The following DNAH3 variants were observed in gnomAD, a reference collection of about 807,000 sequenced individuals.
The protein encoded by DNAH3 is axonemal beta dynein heavy chain 3.
DNAH3 carries 332 observed loss-of-function variants against 432.5 expected under a neutral mutation model. That is an observed-to-expected ratio of 0.77 (90% confidence interval 0.70 to 0.84). The LOEUF is 0.84. Ranked by LOEUF, DNAH3 falls within the 40% of genes least tolerant of loss-of-function variation. DNAH3 has a pLI of 0.00. For synonymous variants in DNAH3, 1,956 were observed against 1,900.2 expected (o/e 1.03, Z -0.76); for missense variants, 4,861 against 5,114.0 (o/e 0.95, Z 1.51).
At chr16:21,100,690 C>G (rs1044885467) in intron 16 of DNAH3, among the ~76,000 whole-genome samples, 3 of 152,182 alleles carry the variant, frequency 2.0e-5, no homozygotes, top group Non-Finnish European at 4.4e-5. Context: ...TATCACATAA[C>G]TTCCAGAACC....
At chr16:20,989,685 G>A (rs1037217109) in intron 44 of DNAH3, among the ~76,000 whole-genome samples, 7 of 152,260 alleles carry the variant, frequency 4.6e-5, no homozygotes, top group African/African-American at 1.7e-4. Context: ...GGGCGCCGTG[G>A]AGCAGGGGGT....
intron 5 of DNAH3, among the ~76,000 whole-genome samples, chr16:21,137,364 C>T (rs760030): frequency 0.24 from 36,763 of 150,840 alleles, 4,572 homozygotes; most frequent in East Asian, 0.31. Context: ...ACTTTGATCC[C>T]ATGGCTTCTA....
intron 31 of DNAH3, among the ~76,000 whole-genome samples, 183 bp from the exon 32 acceptor site, chr16:21,042,386 T>C (rs2089484562): frequency 6.6e-6 from 1 of 152,186 alleles, no homozygotes; most frequent in Non-Finnish European, 1.5e-5. Flanking sequence ...TTTGTGCATG[T>C]GTGCATGTGC....
At chr16:21,031,647 T>G (rs1165532736) in intron 36 of DNAH3, among the ~76,000 whole-genome samples, 1 of 151,868 alleles carries the variant, frequency 6.6e-6, no homozygotes, top group East Asian at 1.9e-4. Flanking sequence ...AGGCAATGCC[T>G]TACATTATTG....
At chr16:21,115,685 T>C (rs1246779470) in intron 12 of DNAH3, among the ~76,000 whole-genome samples, 25 of 150,002 alleles carry the variant, frequency 1.7e-4, no homozygotes, top group Admixed American at 6.7e-4. Flanking sequence ...CCAGCCTGGG[T>C]GACAGAGCGA....
At chr16:21,088,168 C>A (rs887589395) in intron 18 of DNAH3, among the ~76,000 whole-genome samples, 10 of 152,008 alleles carry the variant, frequency 6.6e-5, no homozygotes, top group Non-Finnish European at 1.0e-4. Flanking sequence ...GCTTCATCAA[C>A]CCAACATTTT....
At chr16:21,001,152 T>C (rs1020442738) in intron 42 of DNAH3, among the ~76,000 whole-genome samples, 6 of 152,172 alleles carry the variant, frequency 3.9e-5, no homozygotes, top group African/African-American at 1.2e-4. Flanking sequence ...CCTTTTCCAA[T>C]ATGGGGATTG....
intron 47 of DNAH3, 102 bp downstream of exon 47, chr16:20,987,203 A>G (rs2086238920): frequency 7.1e-7 from 1 of 1,400,424 alleles, no homozygotes; most frequent in African/African-American, 1.4e-5. Flanking sequence ...CAGAGTGCAG[A>G]GCTGGCAGTC....
chr16:21,061,985 C>T (rs2090376496), intron 25 of DNAH3, among the ~76,000 whole-genome samples: 1 of 152,166 alleles, frequency 6.6e-6, no homozygotes, highest in South Asian at 2.1e-4. Context: ...TGTCTATTTC[C>T]ACTTGAGGGT....
intron 18 of DNAH3, among the ~76,000 whole-genome samples, chr16:21,096,721 T>C (rs373919548): frequency 1.3e-5 from 2 of 152,176 alleles, no homozygotes; most frequent in East Asian, 3.9e-4. Context: ...GTGATGGTAA[T>C]ACCAACCAAA....
rs528482208 is a variant in DNAH3 at position 21,131,854 on chromosome 16, C to CAA, written c.1082+2403_1082+2404dup. 0.014 allele frequency among the ~76,000 whole-genome samples: 935 copies of CAA among 67,540 alleles called. 38 individuals carry two copies. In the East Asian group the frequency reaches 0.21, roughly 15 times the overall value. The allele number at this position is 67,540 out of a possible 152,430, so 44.3% of individuals were successfully genotyped here. On this transcript the variant is annotated intron_variant, in intron 7 of 61. Transcript: ENST00000261383. ...GGGCAACAAGAGTGAAACTCCATCT[C>CAA]AAAAAAAAAAAAAAAAAAAGGGGGA...
intron 20 of DNAH3, among the ~76,000 whole-genome samples, chr16:21,076,375 C>A (rs2090976066): frequency 6.6e-6 from 1 of 152,180 alleles, no homozygotes; most frequent in South Asian, 2.1e-4. Flanking sequence ...TGGCCTTGGA[C>A]TTTAAGCCTC....
rs533444803 is a variant in DNAH3 at position 21,118,791 on chromosome 16, C to T, written c.1700-1474G>A. 2.6e-5 allele frequency among the ~76,000 whole-genome samples: 4 copies of T among 152,258 alleles called. No homozygotes were observed. The South Asian group carries it at 8.3e-4, about 32-fold the overall frequency. On this transcript the variant is annotated intron_variant, in intron 11 of 61. Transcript: ENST00000261383. The stretch of plus-strand genomic sequence containing the variant: ...GCTTGAGTCTCCACGTCTAGTCACT[C>T]TAACTCCCTCATGGCACGTGTGTGT...
intron 41 of DNAH3, among the ~76,000 whole-genome samples, chr16:21,014,941 T>C (rs1439858964): frequency 1.3e-5 from 2 of 150,368 alleles, no homozygotes; most frequent in African/African-American, 4.9e-5. Flanking sequence ...TAAAAAACAG[T>C]CTAAATAAAT....
chr16:21,034,029 G>A lies in DNAH3; in HGVS notation c.5142C>T (p.Gly1714=), dbSNP rs143127393. 9.9e-6 allele frequency: 16 copies of A among 1,613,744 alleles called. No individual in the cohort carries two copies. In the East Asian group the frequency reaches 1.3e-4, roughly 13 times the overall value. The change falls in exon 36 of 62, where the codon GGC becomes GGT. Residue 1714 remains glycine (G), a synonymous_variant. Transcript: ENST00000261383. ...ACACTTTATAAGCAGAGGTCTTGCCGCCCATGGGGTCTCCTACAATCATAT... is the reference window on the plus strand; with the variant it reads ...ACACTTTATAAGCAGAGGTCTTGCCACCCATGGGGTCTCCTACAATCATAT...
chr16:20,969,949 G>C, exon 52 of DNAH3: 2 of 1,614,072 alleles, frequency 1.2e-6, no homozygotes, highest in Non-Finnish European at 1.7e-6. Context: ...GTGCAGCCTC[G>C]AGTGCAGGCA....
At chr16:20,988,023 A>C (rs749977912) in exon 45 of DNAH3, 1 of 1,614,172 alleles carries the variant, frequency 6.2e-7, no homozygotes, top group South Asian at 1.1e-5. Context: ...GTCATCCTCA[A>C]AGGCATTGAT....
chr16:20,974,170 C>T (rs2085471126), intron 51 of DNAH3, among the ~76,000 whole-genome samples: 1 of 152,004 alleles, frequency 6.6e-6, no homozygotes, highest in South Asian at 2.1e-4. Context: ...TAGGTGCATG[C>T]CACCACAGCT....
At chr16:21,069,329 C>T in intron 23 of DNAH3, 86 bp downstream of exon 23, 1 of 1,194,442 alleles carries the variant, frequency 8.4e-7, no homozygotes, top group South Asian at 1.3e-5. Flanking sequence ...AGTTCATTTA[C>T]AAGTTTCAAG....
Sources: allele counts gnomAD v4.1 joint callset (sites outside exome capture counted in the v4.1 genomes callset), GRCh38; gene constraint gnomAD v4.1.1; transcripts MANE v1.5; gene names NCBI Gene and HGNC (gene_info 2026-07-23, HGNC 2026-07-21).